PDE8A: variants seen among roughly 807,000 people sequenced by gnomAD.
PDE8A encodes the protein phosphodiesterase 8A.
In PDE8A, 59 loss-of-function variants were observed where a neutral mutation model predicts 105.0. That is an observed-to-expected ratio of 0.56 (90% CI 0.46 to 0.70). The LOEUF (loss-of-function observed/expected upper bound fraction) is 0.70. Among genes scored for constraint, PDE8A ranks in the 30% least tolerant of loss-of-function variants. The probability of loss-of-function intolerance (pLI) is 0.00; values close to 1 mark genes in which losing one functional copy is unlikely to be tolerated. For missense variants in PDE8A, 1,014 were observed against 1,045.9 expected (o/e 0.97, Z 0.42); for synonymous variants, 355 against 371.9 (o/e 0.95, Z 0.52).
chr15:85,061,459 C>T (rs544792723), intron 1 of PDE8A, among the ~76,000 whole-genome samples: 2 of 151,918 alleles, frequency 1.3e-5, no homozygotes, highest in African/African-American at 2.4e-5. Flanking sequence ...AGGCTGGTTT[C>T]GAATTCCTGG....
chr15:85,114,181 G>C, intron 14 of PDE8A, 144 bp downstream of exon 14: 1 of 690,802 alleles, frequency 1.4e-6, no homozygotes, highest in South Asian at 1.9e-5. Context: ...CCATTGCCTG[G>C]GTTCTGCTAT....
intron 1 of PDE8A, among the ~76,000 whole-genome samples, chr15:85,039,624 AAGTC>A (rs1406119139): frequency 6.6e-6 from 1 of 152,180 alleles, no homozygotes; most frequent in East Asian, 1.9e-4. Flanking sequence ...AAAGGAATTG[AAGTC>A]AGTGTGTTGA....
At chr15:85,101,539 A>C (rs987977296) in intron 11 of PDE8A, among the ~76,000 whole-genome samples, 2 of 152,174 alleles carry the variant, frequency 1.3e-5, no homozygotes, top group African/African-American at 4.8e-5. Context: ...GCTAGGTGGG[A>C]AGTTTCCATT....
chr15:85,030,243 G>T (rs16974726), intron 1 of PDE8A, among the ~76,000 whole-genome samples: 4 of 151,672 alleles, frequency 2.6e-5, no homozygotes, highest in African/African-American at 9.7e-5. Flanking sequence ...TTCTGCCTGA[G>T]TTTTGTCTCC....
chr15:85,122,394 G>A (rs2082196182), intron 18 of PDE8A, among the ~76,000 whole-genome samples: 1 of 152,140 alleles, frequency 6.6e-6, no homozygotes, highest in East Asian at 1.9e-4. Flanking sequence ...GAGGATTTTT[G>A]ATTTTGTAAA....
intron 20 of PDE8A, among the ~76,000 whole-genome samples, chr15:85,135,752 G>A (rs1295156012): frequency 3.9e-5 from 6 of 152,144 alleles, no homozygotes; most frequent in African/African-American, 1.2e-4. Flanking sequence ...AGAACAGGAC[G>A]CTTGCCTTTT....
At chr15:85,134,216 C>T (rs1440204144) in intron 20 of PDE8A, among the ~76,000 whole-genome samples, 1 of 152,220 alleles carries the variant, frequency 6.6e-6, no homozygotes, top group East Asian at 1.9e-4. Flanking sequence ...GGAGGGCAGG[C>T]CCTGAGAGCA....
intron 6 of PDE8A, among the ~76,000 whole-genome samples, chr15:85,087,042 CTTTT>C (rs34212320): frequency 1.5e-5 from 2 of 133,416 alleles, no homozygotes; most frequent in African/African-American, 2.7e-5. Flanking sequence ...ATGTTTTTTG[CTTTT>C]TTTTTTTTTT....
At chr15:84,984,897 A>G (rs1445527780) in intron 1 of PDE8A, among the ~76,000 whole-genome samples, 3 of 152,004 alleles carry the variant, frequency 2.0e-5, no homozygotes, top group Admixed American at 6.6e-5. Context: ...TGAACTGGTA[A>G]ATATAATGCA....
At chr15:85,136,126 C>A (rs998167736) in intron 20 of PDE8A, among the ~76,000 whole-genome samples, 1 of 152,206 alleles carries the variant, frequency 6.6e-6, no homozygotes, top group Non-Finnish European at 1.5e-5. Context: ...CACTCCCCAC[C>A]CTGACCTAAG....
chr15:85,119,947 A>T (rs1310804253), intron 17 of PDE8A, among the ~76,000 whole-genome samples: 1 of 152,132 alleles, frequency 6.6e-6, no homozygotes, highest in Non-Finnish European at 1.5e-5. Flanking sequence ...CAAAATGATA[A>T]TCCAGTGTGG....
intron 16 of PDE8A, among the ~76,000 whole-genome samples, chr15:85,116,999 C>G (rs1227914734): frequency 1.3e-5 from 2 of 152,212 alleles, no homozygotes; most frequent in Non-Finnish European, 2.9e-5. Context: ...CTTCTGGATA[C>G]TGCCTCAACA....
intron 1 of PDE8A, among the ~76,000 whole-genome samples, chr15:84,983,729 A>C (rs2079757892): frequency 6.6e-6 from 1 of 152,280 alleles, no homozygotes; most frequent in Non-Finnish European, 1.5e-5. Flanking sequence ...AACAGCTTTC[A>C]AGTTTTCAGT....
chr15:85,076,933 C>A (rs1381851971), intron 5 of PDE8A, 146 bp downstream of exon 5: 2 of 587,160 alleles, frequency 3.4e-6, no homozygotes, highest in Admixed American at 2.4e-5. Context: ...GTAATCCCAG[C>A]ACTTTGGGAG....
chr15:85,008,567 G>C (rs1045791858), intron 1 of PDE8A, among the ~76,000 whole-genome samples: 20 of 152,036 alleles, frequency 1.3e-4, no homozygotes, highest in Admixed American at 1.3e-3. Flanking sequence ...TTTAAATTCT[G>C]CTACCAGGTA....
chr15:85,091,204 T>C lies in PDE8A; in HGVS notation c.852+23T>C, dbSNP rs749081777. On this transcript the variant is annotated intron_variant, in intron 8 of 21. Transcript: ENST00000394553. ...AAGGTAAGTAAGAGGTCAGTGCCTT[T>C]TTTAACTTTCACAACACAGAGAGAA... The C allele has an allele frequency of 5.7e-6, 9 of 1,576,032 alleles. No homozygotes were observed. In the African/African-American group the frequency reaches 1.2e-4, roughly 22 times the overall value.
At chr15:84,996,117 T>C (rs1273302040) in intron 1 of PDE8A, among the ~76,000 whole-genome samples, 4 of 152,170 alleles carry the variant, frequency 2.6e-5, no homozygotes, top group Non-Finnish European at 4.4e-5. Context: ...TGACCTCTCA[T>C]GTGCATTGCA....
chr15:85,071,857 C>A (rs1301913722), intron 3 of PDE8A, among the ~76,000 whole-genome samples: 3 of 152,098 alleles, frequency 2.0e-5, no homozygotes. Flanking sequence ...GAAAGAACAG[C>A]CCTGAAGACT....
chr15:85,055,773 C>G (rs866168384), intron 1 of PDE8A, among the ~76,000 whole-genome samples: 39 of 152,140 alleles, frequency 2.6e-4, no homozygotes, highest in Non-Finnish European at 5.1e-4. Context: ...ATTTGCCAGT[C>G]TGTGTCTTTT....
Sources: allele counts gnomAD v4.1 joint callset (sites outside exome capture counted in the v4.1 genomes callset), GRCh38; gene constraint gnomAD v4.1.1; transcripts MANE v1.5; gene names NCBI Gene and HGNC (gene_info 2026-07-23, HGNC 2026-07-21).